The following HTR7 variants were observed in gnomAD, a reference collection of about 807,000 sequenced individuals.
The protein encoded by HTR7 is 5-HT-7.
A neutral mutation model predicts 34.0 loss-of-function variants in HTR7; 16 were observed. The observed-to-expected ratio is 0.47, with a 90% CI of 0.32 to 0.71. The LOEUF (loss-of-function observed/expected upper bound fraction) is 0.71. Among genes scored for constraint, HTR7 ranks in the 30% least tolerant of loss-of-function variants. HTR7 has a pLI of 0.04. For synonymous variants in HTR7, 265 were observed against 260.2 expected (o/e 1.02, Z -0.18); for missense variants, 504 against 625.5 (o/e 0.81, Z 2.07).
intron 1 of HTR7, among the ~76,000 whole-genome samples, chr10:90,811,864 C>T (rs898955575): frequency 1.3e-5 from 2 of 150,842 alleles, no homozygotes; most frequent in Admixed American, 1.3e-4. Flanking sequence ...TCCCTTCTGT[C>T]AGACATAATT....
chr10:90,809,050 C>A (rs966524601), intron 1 of HTR7, among the ~76,000 whole-genome samples: 6 of 152,276 alleles, frequency 3.9e-5, no homozygotes, highest in African/African-American at 1.4e-4. Flanking sequence ...CAGTCCCAAC[C>A]CCAAGCATCA....
intron 1 of HTR7, among the ~76,000 whole-genome samples, chr10:90,855,948 AT>A (rs1846572996): frequency 1.3e-5 from 2 of 152,220 alleles, no homozygotes; most frequent in Non-Finnish European, 2.9e-5. Context: ...CAAGCAAAAA[AT>A]ACATACAGCA....
intron 2 of HTR7, among the ~76,000 whole-genome samples, chr10:90,745,667 T>C (rs902641642): frequency 5.9e-5 from 9 of 152,224 alleles, no homozygotes; most frequent in Admixed American, 2.6e-4. Flanking sequence ...AAGTAGATAT[T>C]CTGTAATTAT....
chr10:90,805,089 T>C (rs749462261), intron 1 of HTR7, among the ~76,000 whole-genome samples: 3 of 152,322 alleles, frequency 2.0e-5, no homozygotes, highest in South Asian at 2.1e-4. Context: ...GATATTACTT[T>C]GTACTATGAA....
At chr10:90,824,164 C>G (rs116914622) in intron 1 of HTR7, among the ~76,000 whole-genome samples, 4,307 of 152,318 alleles carry the variant, frequency 0.028, 85 homozygotes, top group Non-Finnish European at 0.046. Flanking sequence ...AGTTGTCTTG[C>G]AATTTGGATA....
intron 1 of HTR7, among the ~76,000 whole-genome samples, chr10:90,794,740 C>A (rs1392226435): frequency 6.6e-6 from 1 of 152,138 alleles, no homozygotes; most frequent in African/African-American, 2.4e-5. Context: ...TGGGCTCAAG[C>A]AATCCTCCTA....
chr10:90,791,082 G>T (rs1276824128), intron 1 of HTR7, among the ~76,000 whole-genome samples: 1 of 151,760 alleles, frequency 6.6e-6, no homozygotes, highest in Non-Finnish European at 1.5e-5. Context: ...ATTTCATTTT[G>T]AAAAGGGGCA....
intron 1 of HTR7, among the ~76,000 whole-genome samples, chr10:90,826,129 T>C (rs1057029682): frequency 6.6e-5 from 10 of 152,110 alleles, no homozygotes; most frequent in African/African-American, 2.4e-4. Flanking sequence ...CAACATACTA[T>C]GAGCTCTAAT....
intron 1 of HTR7, among the ~76,000 whole-genome samples, chr10:90,808,944 C>T (rs932548566): frequency 1.8e-4 from 28 of 152,130 alleles, no homozygotes; most frequent in Non-Finnish European, 4.0e-4. Context: ...AGGTGCCTGA[C>T]GTCCAGGCAT....
chr10:90,761,522 G>A (rs1435506058), intron 1 of HTR7, among the ~76,000 whole-genome samples: 1 of 152,110 alleles, frequency 6.6e-6, no homozygotes, highest in Non-Finnish European at 1.5e-5. Flanking sequence ...CTTTAAGGAT[G>A]CAATCAGGCC....
intron 1 of HTR7, among the ~76,000 whole-genome samples, chr10:90,774,973 T>C (rs112326769): frequency 0.027 from 4,107 of 152,224 alleles, 151 homozygotes; most frequent in African/African-American, 0.083. Flanking sequence ...GAAACATGAC[T>C]GCGTGCAGCA....
chr10:90,814,574 C>T (rs1320347518), intron 1 of HTR7, among the ~76,000 whole-genome samples: 1 of 151,818 alleles, frequency 6.6e-6, no homozygotes, highest in Non-Finnish European at 1.5e-5. Flanking sequence ...AATGGTTATT[C>T]TAAAAAATAA....
chr10:90,847,158 C>T (rs1279045499), intron 1 of HTR7, among the ~76,000 whole-genome samples: 3 of 152,186 alleles, frequency 2.0e-5, no homozygotes, highest in Admixed American at 2.0e-4. Context: ...TGTCAAGTCA[C>T]TTCTACCCTC....
chr10:90,800,602 C>T (rs1332307567), intron 1 of HTR7, among the ~76,000 whole-genome samples: 3 of 151,946 alleles, frequency 2.0e-5, no homozygotes, highest in Non-Finnish European at 4.4e-5. Context: ...TGAAATTAAC[C>T]CTTTCTTCAC....
intron 1 of HTR7, among the ~76,000 whole-genome samples, chr10:90,820,565 C>T (rs538225195): frequency 1.3e-5 from 2 of 152,234 alleles, no homozygotes; most frequent in South Asian, 4.2e-4. Flanking sequence ...TTTATACATA[C>T]AGGAAGAAGA....
At chr10:90,750,205 C>T (rs979941714) in intron 1 of HTR7, among the ~76,000 whole-genome samples, 8 of 152,104 alleles carry the variant, frequency 5.3e-5, no homozygotes, top group Non-Finnish European at 1.0e-4. Flanking sequence ...ATTTTGCCCA[C>T]AGAAAATTCT....
At chr10:90,758,685 T>TG (rs1844879561) in intron 1 of HTR7, among the ~76,000 whole-genome samples, 1 of 152,064 alleles carries the variant, frequency 6.6e-6, no homozygotes, top group Non-Finnish European at 1.5e-5. Context: ...ATAACATAGT[T>TG]GGGAAAAAGC....
intron 2 of HTR7, among the ~76,000 whole-genome samples, chr10:90,748,480 T>C (rs760425642): frequency 6.6e-6 from 1 of 152,232 alleles, no homozygotes; most frequent in Non-Finnish European, 1.5e-5. Flanking sequence ...AAAGCTTTAC[T>C]GGACAGAAGA....
At chr10:90,798,402 G>T (rs1027475120) in intron 1 of HTR7, among the ~76,000 whole-genome samples, 20 of 152,166 alleles carry the variant, frequency 1.3e-4, no homozygotes, top group Non-Finnish European at 2.5e-4. Flanking sequence ...AAATTGGACT[G>T]GGTTGGGTCC....
Sources: allele counts gnomAD v4.1 joint callset (sites outside exome capture counted in the v4.1 genomes callset), GRCh38; gene constraint gnomAD v4.1.1; transcripts MANE v1.5; gene names NCBI Gene and HGNC (gene_info 2026-07-23, HGNC 2026-07-21).